Variants in DOCK9 observed in about 807,000 individuals in gnomAD.
DOCK9 encodes the protein dedicator of cytokinesis protein 9.
DOCK9 carries 89 observed loss-of-function variants against 263.3 expected under a neutral mutation model. The observed-to-expected ratio is 0.34, with a 90% CI of 0.28 to 0.40. The LOEUF (loss-of-function observed/expected upper bound fraction) is 0.40, where lower values mean the gene tolerates loss of function less well. DOCK9 is among the 10% of genes least tolerant of loss of function. DOCK9 has a pLI of 1.00. For missense variants in DOCK9, 2,140 were observed against 2,603.4 expected, an observed-to-expected ratio of 0.82 and a Z score of 3.87; for synonymous variants, 976 against 973.1, an observed-to-expected ratio of 1.00 and a Z score of -0.06.
At chr13:98,882,936 C>T in intron 23 of DOCK9, 106 bp downstream of exon 23, 2 of 878,118 alleles carry the variant, frequency 2.3e-6, no homozygotes, top group South Asian at 1.8e-5. Context: ...TGTGAGACAT[C>T]CAGGTAAGAG....
At chr13:98,841,820 T>G (rs2093229464) in intron 38 of DOCK9, among the ~76,000 whole-genome samples, 1 of 150,268 alleles carries the variant, frequency 6.7e-6, no homozygotes. Flanking sequence ...ATTATTTGTT[T>G]TTAGTAGAGA....
chr13:98,966,084 C>T (rs1595708272), intron 1 of DOCK9, among the ~76,000 whole-genome samples: 1 of 152,244 alleles, frequency 6.6e-6, no homozygotes, highest in African/African-American at 2.4e-5. Flanking sequence ...CACAACTCCT[C>T]GCCTGCCGTC....
intron 3 of DOCK9, 138 bp downstream of exon 3, chr13:98,930,030 A>G: frequency 1.3e-6 from 1 of 751,690 alleles, no homozygotes; most frequent in South Asian, 1.9e-5. Flanking sequence ...AAAAATTCAC[A>G]TTATTCTATT....
chr13:98,931,393 G>C (rs1402801957), intron 2 of DOCK9, among the ~76,000 whole-genome samples: 2 of 150,700 alleles, frequency 1.3e-5, no homozygotes, highest in African/African-American at 4.9e-5. Context: ...CCGCCTCCCG[G>C]GTTCACGCCA....
At chr13:99,061,861 T>G (rs950216084) in intron 1 of DOCK9, among the ~76,000 whole-genome samples, 2 of 148,752 alleles carry the variant, frequency 1.3e-5, no homozygotes, top group Non-Finnish European at 3.0e-5. Flanking sequence ...AAGCTTTTTG[T>G]TTTTTGTTTT....
chr13:98,832,006 C>G, intron 39 of DOCK9: 1 of 555,894 alleles, frequency 1.8e-6, no homozygotes, highest in Non-Finnish European at 3.1e-6. Flanking sequence ...AGCAAACTAA[C>G]AGAGTTGAAA....
intron 1 of DOCK9, among the ~76,000 whole-genome samples, chr13:98,969,073 G>A (rs1449834111): frequency 2.6e-5 from 4 of 152,196 alleles, no homozygotes; most frequent in South Asian, 4.1e-4. Flanking sequence ...AAGAGGTACT[G>A]ATAACAGAAA....
At chr13:99,086,387 C>T in exon 1 of DOCK9, 2 of 1,119,626 alleles carry the variant, frequency 1.8e-6, no homozygotes, top group Non-Finnish European at 2.2e-6. Flanking sequence ...CCGCCTGCTC[C>T]CGCGGCCCGG....
intron 9 of DOCK9, among the ~76,000 whole-genome samples, chr13:98,908,679 T>C (rs1166745425): frequency 3.3e-5 from 5 of 152,146 alleles, no homozygotes; most frequent in African/African-American, 9.7e-5. Context: ...AAACCTTACA[T>C]ATGTTTATCT....
chr13:98,813,732 C>T (rs1425663033), intron 45 of DOCK9, among the ~76,000 whole-genome samples: 9 of 152,064 alleles, frequency 5.9e-5, no homozygotes, highest in Non-Finnish European at 1.0e-4. Context: ...CTCTGCCTCC[C>T]GGGTTCAAGC....
chr13:98,990,343 C>T (rs1469662274), intron 1 of DOCK9, among the ~76,000 whole-genome samples: 1 of 152,180 alleles, frequency 6.6e-6, no homozygotes, highest in African/African-American at 2.4e-5. Context: ...GTTACTCAGA[C>T]ACTGTATTGA....
chr13:98,822,443 G>A (rs1162482230), intron 45 of DOCK9, among the ~76,000 whole-genome samples: 2 of 152,130 alleles, frequency 1.3e-5, no homozygotes, highest in Non-Finnish European at 2.9e-5. Flanking sequence ...ATCTTTAATT[G>A]TTCCTGGCAT....
At chr13:98,887,141 ATATTTTT>A in intron 18 of DOCK9, among the ~76,000 whole-genome samples, 1 of 59,624 alleles carries the variant, frequency 1.7e-5, no homozygotes, top group East Asian at 5.8e-4. Flanking sequence ...ATATATATAT[ATATTTTT>A]TTTTTTTTTT....
At chr13:99,044,954 T>C (rs958156850) in intron 1 of DOCK9, among the ~76,000 whole-genome samples, 11 of 152,134 alleles carry the variant, frequency 7.2e-5, no homozygotes, top group Non-Finnish European at 1.3e-4. Flanking sequence ...CATAGACATA[T>C]TCACCCACAA....
chr13:98,909,461 T>C (rs1436434471), intron 9 of DOCK9, among the ~76,000 whole-genome samples: 1 of 152,222 alleles, frequency 6.6e-6, no homozygotes, highest in Admixed American at 6.5e-5. Flanking sequence ...TGAGGATGAA[T>C]TATCAGAAAC....
At position 98,867,607 on chromosome 13, in the gene DOCK9, G is replaced by A. The variant is rs2094066893; in HGVS notation, c.3175-71C>T. 1.5e-4 allele frequency: 143 copies of A among 968,406 alleles called. 3 individuals carry two copies. The South Asian group carries it at 2.0e-3, about 14-fold the overall frequency. 60.0% of individuals were successfully genotyped at this position (968,406 alleles called of 1,614,324 possible). ...ATACAGGATTCTAAAAAACCTATTA[G>A]CAATAGTATGCTAGAAATAGTCATT... On this transcript the variant is annotated intron_variant, in intron 29 of 52. Transcript: ENST00000682017.
chr13:98,832,860 G>C (rs1196039376), intron 39 of DOCK9: 1 of 152,246 alleles, frequency 6.6e-6, no homozygotes, highest in African/African-American at 2.4e-5. Context: ...TTGGCCAACG[G>C]AACAGGGGTA....
In DOCK9 at chr13:98,907,191, T is replaced by C. The variant is rs142362954; in HGVS notation, c.961-2485A>G. Reference sequence around the variant, plus strand: ...AAAGAACTTGCTTTACATTGTATACTGCCTGTGGTGTTTCCTAACAAAACC... The same window carrying C: ...AAAGAACTTGCTTTACATTGTATACCGCCTGTGGTGTTTCCTAACAAAACC... On this transcript the variant is annotated intron_variant, in intron 9 of 52. Coordinates refer to ENST00000682017, the MANE Select transcript of DOCK9 (RefSeq NM_001366683.2). Among the ~76,000 whole-genome samples the C allele has an allele frequency of 4.1e-4, 62 of 152,376 alleles. No homozygotes were observed. The East Asian group carries it at 7.1e-3, about 18-fold the overall frequency.
intron 7 of DOCK9, among the ~76,000 whole-genome samples, chr13:98,918,261 T>C (rs2051232993): frequency 6.6e-6 from 1 of 152,096 alleles, no homozygotes; most frequent in African/African-American, 2.4e-5. Flanking sequence ...AGCCCTGCCA[T>C]CTTGCTGAGT....
Sources: gnomAD v4.1 joint callset for allele counts (sites outside exome capture counted in the v4.1 genomes callset) on GRCh38, gnomAD v4.1.1 for gene constraint, MANE v1.5 for transcripts, NCBI Gene and HGNC (gene_info 2026-07-23, HGNC 2026-07-21) for gene names.